Variants in CACNG5 observed in about 807,000 individuals in gnomAD.
CACNG5 encodes the protein calcium voltage-gated channel auxiliary subunit gamma 5, also known as voltage-dependent calcium channel gamma-5 subunit.
In CACNG5, 18 loss-of-function variants were observed where a neutral mutation model predicts 24.8. The ratio of observed to expected loss-of-function variants is 0.73; its 90% CI spans 0.50 to 1.08. CACNG5 has a LOEUF of 1.08. Ranked by LOEUF, CACNG5 falls within the 50% of genes least tolerant of loss-of-function variation. CACNG5 has a pLI of 0.00. For missense variants in CACNG5, 349 were observed against 367.9 expected, an observed-to-expected ratio of 0.95 and a Z score of 0.42; for synonymous variants, 157 against 149.1, an observed-to-expected ratio of 1.05 and a Z score of -0.39.
intron 1 of CACNG5, among the ~76,000 whole-genome samples, chr17:66,857,352 C>T (rs1398226396): frequency 6.6e-6 from 1 of 152,062 alleles, no homozygotes; most frequent in Non-Finnish European, 1.5e-5. Context: ...GGCCTGAGAA[C>T]ACGTTTTTAA....
chr17:66,888,577 A>AAGAGGAAAG lies in CACNG5; in HGVS notation c.*3339_*3347dup, dbSNP rs1383074335. ...AAAAAAAAAAAAAAAGAGTTAAAGA[A>AAGAGGAAAG]AGAGGAAAGAACCATGAAAAGTGGC... On this transcript the variant is annotated 3_prime_UTR_variant, in exon 6 of 6. Transcript: ENST00000533854. 1.3e-5 allele frequency among the ~76,000 whole-genome samples: 2 copies of AAGAGGAAAG among 151,740 alleles called. No individual in the cohort carries two copies. Among genetic ancestry groups the AAGAGGAAAG allele is most frequent in the Non-Finnish European group, 2.9e-5 (2 of 67,934 alleles).
intron 1 of CACNG5, among the ~76,000 whole-genome samples, chr17:66,848,667 A>G (rs1163768231): frequency 6.6e-6 from 1 of 152,148 alleles, no homozygotes; most frequent in Non-Finnish European, 1.5e-5. Flanking sequence ...GGGGAGACGA[A>G]TTTGAGGTCC....
At chr17:66,859,158 G>A (rs1338260404) in intron 1 of CACNG5, among the ~76,000 whole-genome samples, 1 of 152,254 alleles carries the variant, frequency 6.6e-6, no homozygotes, top group African/African-American at 2.4e-5. Flanking sequence ...TGACTCCTCT[G>A]AGAAATACAT....
chr17:66,861,440 G>A (rs989682157), intron 1 of CACNG5, among the ~76,000 whole-genome samples: 4 of 152,194 alleles, frequency 2.6e-5, no homozygotes, highest in African/African-American at 4.8e-5. Context: ...ACTGCAAAGC[G>A]TTGTTGGGAG....
chr17:66,864,934 A>G (rs752774693), intron 1 of CACNG5, among the ~76,000 whole-genome samples: 3 of 152,100 alleles, frequency 2.0e-5, no homozygotes, highest in African/African-American at 4.8e-5. Context: ...ATGTTCATCA[A>G]TATATATTTT....
intron 1 of CACNG5, among the ~76,000 whole-genome samples, chr17:66,874,543 C>A (rs1977049879): frequency 6.6e-6 from 1 of 152,146 alleles, no homozygotes; most frequent in Admixed American, 6.5e-5. Flanking sequence ...CTCAAGGGAA[C>A]TAATTCATTC....
At chr17:66,862,755 T>C (rs1328577341) in intron 1 of CACNG5, among the ~76,000 whole-genome samples, 12 of 148,722 alleles carry the variant, frequency 8.1e-5, no homozygotes, top group African/African-American at 3.0e-4. Flanking sequence ...AGTACATTCA[T>C]AGCTATGGAA....
chr17:66,857,221 T>G (rs1163568520), intron 1 of CACNG5, among the ~76,000 whole-genome samples: 1 of 151,962 alleles, frequency 6.6e-6, no homozygotes. Flanking sequence ...TATCTTTAGA[T>G]TTTTTGTAGA....
At chr17:66,851,248 A>T in intron 1 of CACNG5, among the ~76,000 whole-genome samples, 1 of 152,192 alleles carries the variant, frequency 6.6e-6, no homozygotes, top group East Asian at 1.9e-4. Context: ...AGAAATCCTG[A>T]GCTAAGAATT....
chr17:66,855,789 A>G (rs1976768034), intron 1 of CACNG5, among the ~76,000 whole-genome samples: 1 of 152,140 alleles, frequency 6.6e-6, no homozygotes, highest in Admixed American at 6.5e-5. Context: ...GAGCCACCGC[A>G]CCCGGCCATG....
intron 1 of CACNG5, among the ~76,000 whole-genome samples, chr17:66,853,972 C>T (rs1467960189): frequency 6.6e-6 from 1 of 151,972 alleles, no homozygotes; most frequent in Non-Finnish European, 1.5e-5. Flanking sequence ...TGAAAAACTA[C>T]AAAACTGTCA....
At chr17:66,842,270 A>G (rs1976580470) in intron 1 of CACNG5, among the ~76,000 whole-genome samples, 1 of 152,146 alleles carries the variant, frequency 6.6e-6, no homozygotes, top group Admixed American at 6.5e-5. Flanking sequence ...TCTGGCCTGT[A>G]CCACCCACTG....
intron 1 of CACNG5, among the ~76,000 whole-genome samples, chr17:66,841,086 A>G (rs117711997): frequency 0.019 from 2,923 of 152,326 alleles, 35 homozygotes; most frequent in Middle Eastern, 0.041. Context: ...TTCTGACGAC[A>G]TGTGCCCAAG....
In CACNG5 at chr17:66,889,742, T is replaced by C. The variant is rs1977315208; in HGVS notation, c.*4502T>C. Among the ~76,000 whole-genome samples the C allele has an allele frequency of 6.6e-6, 1 of 152,154 alleles. No individual in the cohort carries two copies. Among genetic ancestry groups the C allele is most frequent in the Admixed American group, 6.5e-5 (1 of 15,276 alleles). ...TCTATTCAGGCTTTCAGTGCAGTGG[T>C]TGAGGCCCACCGACGTTAGAAAAGG... On this transcript the variant is annotated 3_prime_UTR_variant, in exon 6 of 6. Transcript: ENST00000533854.
chr17:66,869,526 G>A (rs185167754), intron 1 of CACNG5, among the ~76,000 whole-genome samples: 11 of 152,286 alleles, frequency 7.2e-5, no homozygotes, highest in Non-Finnish European at 1.5e-5. Flanking sequence ...GAGGTTCAGA[G>A]TGGCCATGTG....
intron 1 of CACNG5, among the ~76,000 whole-genome samples, chr17:66,870,330 G>A (rs537591556): frequency 2.1e-4 from 32 of 152,258 alleles, no homozygotes; most frequent in African/African-American, 6.7e-4. Flanking sequence ...CCACTGGCTG[G>A]AAGTTTAATT....
intron 1 of CACNG5, among the ~76,000 whole-genome samples, chr17:66,875,600 T>C (rs1439873304): frequency 6.6e-6 from 1 of 152,190 alleles, no homozygotes; most frequent in Non-Finnish European, 1.5e-5. Flanking sequence ...ATCTGGCTTC[T>C]GTCCATTTTC....
intron 4 of CACNG5, among the ~76,000 whole-genome samples, chr17:66,881,500 G>A (rs900560159): frequency 6.6e-6 from 1 of 152,090 alleles, no homozygotes; most frequent in Admixed American, 6.5e-5. Context: ...CTTCAACATG[G>A]ACTTGTCTTC....
At position 66,887,926 on chromosome 17, in the gene CACNG5, G is replaced by T. The variant is rs1182194322; in HGVS notation, c.*2686G>T. Among the ~76,000 whole-genome samples the T allele has an allele frequency of 6.6e-6, 1 of 152,108 alleles. No individual in the cohort carries two copies. The highest frequency in any genetic ancestry group is 1.5e-5 in the Non-Finnish European group (1 of 68,016). ...AAATTCATCTCCGAATCAGGGCCTA[G>T]TTGCAGCCTCTCCTCAATCAGGAGA... On this transcript the variant is annotated 3_prime_UTR_variant, in exon 6 of 6. Transcript: ENST00000533854.
Sources: gnomAD v4.1 joint callset for allele counts (sites outside exome capture counted in the v4.1 genomes callset) on GRCh38, gnomAD v4.1.1 for gene constraint, MANE v1.5 for transcripts, NCBI Gene and HGNC (gene_info 2026-07-23, HGNC 2026-07-21) for gene names.